Variants in GAB2 observed in about 807,000 individuals in gnomAD.
The protein encoded by GAB2 is GRB2-associated-binding protein 2.
In GAB2, 26 loss-of-function variants were observed where a neutral mutation model predicts 65.5. The observed-to-expected ratio is 0.40, with a 90% CI of 0.29 to 0.55. The LOEUF is 0.55. Among genes scored for constraint, GAB2 ranks in the 20% least tolerant of loss-of-function variants. The probability of loss-of-function intolerance (pLI) is 0.53; values close to 1 mark genes in which losing one functional copy is unlikely to be tolerated. For synonymous variants in GAB2, 321 were observed against 329.6 expected (o/e 0.97, Z 0.28); for missense variants, 884 against 875.8 (o/e 1.01, Z -0.12).
rs543232485 is a variant in GAB2 at position 78,389,983 on chromosome 11, C to T, written c.75+27663G>A. 3.9e-5 allele frequency among the ~76,000 whole-genome samples: 6 copies of T among 152,230 alleles called. No individual in the cohort carries two copies. In the East Asian group the frequency reaches 1.2e-3, roughly 29 times the overall value. On this transcript the variant is annotated intron_variant, in intron 1 of 9. Transcript: ENST00000361507. ...TTGTTCTTTTCAGCATAATATAGAT[C>T]CTTTTGTATCTACCACCACATAAAT...
chr11:78,316,241 C>T (rs960923797), intron 1 of GAB2, among the ~76,000 whole-genome samples: 1 of 152,176 alleles, frequency 6.6e-6, no homozygotes. Flanking sequence ...CGGCTTCTCT[C>T]TTCCCCAGCT....
intron 1 of GAB2, among the ~76,000 whole-genome samples, chr11:78,299,147 A>C (rs921363318): frequency 1.3e-5 from 2 of 152,192 alleles, no homozygotes; most frequent in African/African-American, 4.8e-5. Flanking sequence ...GTTAATGATG[A>C]TTGACAGGAT....
intron 1 of GAB2, among the ~76,000 whole-genome samples, chr11:78,330,926 C>G (rs1855903617): frequency 6.6e-6 from 1 of 152,040 alleles, no homozygotes; most frequent in African/African-American, 2.4e-5. Flanking sequence ...GTAACCCCAG[C>G]ACTTTGGGAG....
chr11:78,345,790 G>T (rs549275734), intron 1 of GAB2, among the ~76,000 whole-genome samples: 1 of 152,306 alleles, frequency 6.6e-6, no homozygotes, highest in African/African-American at 2.4e-5. Context: ...AGAGGAAAAT[G>T]ATGCCAGCTG....
intron 1 of GAB2, among the ~76,000 whole-genome samples, chr11:78,311,685 A>T (rs1246949639): frequency 2.6e-5 from 4 of 152,208 alleles, no homozygotes. Context: ...ATTGCTTTTA[A>T]ATTGCCTCCA....
chr11:78,252,515 G>T (rs948449793), intron 2 of GAB2, among the ~76,000 whole-genome samples: 1 of 152,084 alleles, frequency 6.6e-6, no homozygotes, highest in East Asian at 1.9e-4. Context: ...CAAGCCTCTG[G>T]TGAGATTCTG....
At chr11:78,307,025 A>G (rs1855376479) in intron 1 of GAB2, among the ~76,000 whole-genome samples, 1 of 152,280 alleles carries the variant, frequency 6.6e-6, no homozygotes, top group African/African-American at 2.4e-5. Flanking sequence ...AACTGATCAC[A>G]GCAAGTAATT....
intron 3 of GAB2, 83 bp from the exon 4 acceptor site, chr11:78,227,134 A>T: frequency 1.1e-6 from 1 of 948,148 alleles, no homozygotes; most frequent in South Asian, 1.4e-5. Context: ...TTCTCTTTCT[A>T]TACTTTGGTT....
chr11:78,354,037 T>G (rs1042418983), intron 1 of GAB2, among the ~76,000 whole-genome samples: 4 of 152,232 alleles, frequency 2.6e-5, no homozygotes, highest in Non-Finnish European at 4.4e-5. Context: ...TACGTGATGT[T>G]GGTGCTGTTG....
At chr11:78,268,898 G>T (rs1242539350) in intron 2 of GAB2, among the ~76,000 whole-genome samples, 2 of 152,134 alleles carry the variant, frequency 1.3e-5, no homozygotes, top group Non-Finnish European at 2.9e-5. Flanking sequence ...ACATTTGCGA[G>T]GATTTTATGG....
chr11:78,417,002 T>G (rs1423218459), intron 1 of GAB2, among the ~76,000 whole-genome samples: 1 of 148,116 alleles, frequency 6.8e-6, no homozygotes, highest in Admixed American at 6.8e-5. Context: ...GGGACCAAAC[T>G]GCAGTGTCAC....
chr11:78,278,029 C>G (rs2134580089), intron 2 of GAB2, among the ~76,000 whole-genome samples: 1 of 151,048 alleles, frequency 6.6e-6, no homozygotes, highest in South Asian at 2.1e-4. Context: ...TTTATGAAAG[C>G]TTTGAGACTG....
chr11:78,254,395 A>G (rs981578119), intron 2 of GAB2, among the ~76,000 whole-genome samples: 1 of 152,224 alleles, frequency 6.6e-6, no homozygotes, highest in African/African-American at 2.4e-5. Context: ...AAGGTCTGTT[A>G]AGAAGATGAA....
intron 3 of GAB2, among the ~76,000 whole-genome samples, chr11:78,238,558 T>C (rs902460664): frequency 3.2e-5 from 4 of 124,246 alleles, no homozygotes; most frequent in African/African-American, 1.3e-4. Context: ...AAGCAACACA[T>C]AGAACTGGAA....
intron 1 of GAB2, among the ~76,000 whole-genome samples, chr11:78,308,990 A>G (rs1371806609): frequency 6.6e-6 from 1 of 152,220 alleles, no homozygotes; most frequent in Non-Finnish European, 1.5e-5. Context: ...CAGGAAGAGA[A>G]ATTAACAGCT....
intron 1 of GAB2, among the ~76,000 whole-genome samples, chr11:78,391,982 T>C (rs1031353283): frequency 2.6e-5 from 4 of 152,202 alleles, no homozygotes; most frequent in African/African-American, 9.6e-5. Context: ...AGCTCATGCC[T>C]GTAATTCCAG....
chr11:78,262,575 C>T (rs960734093), intron 2 of GAB2, among the ~76,000 whole-genome samples: 1 of 152,110 alleles, frequency 6.6e-6, no homozygotes, highest in African/African-American at 2.4e-5. Context: ...AGCTACAGAG[C>T]CTCGCAGGAC....
At chr11:78,308,730 C>T (rs932877188) in intron 1 of GAB2, among the ~76,000 whole-genome samples, 14 of 152,064 alleles carry the variant, frequency 9.2e-5, no homozygotes, top group South Asian at 4.1e-4. Flanking sequence ...GGCATGACTA[C>T]CACAGAAGTC....
chr11:78,240,372 C>G (rs1443510381), intron 3 of GAB2, among the ~76,000 whole-genome samples: 1 of 151,870 alleles, frequency 6.6e-6, no homozygotes, highest in Non-Finnish European at 1.5e-5. Flanking sequence ...CAAGGCTGAG[C>G]TGATACAGGA....
Sources: gnomAD v4.1 joint callset for allele counts (sites outside exome capture counted in the v4.1 genomes callset) on GRCh38, gnomAD v4.1.1 for gene constraint, MANE v1.5 for transcripts, NCBI Gene and HGNC (gene_info 2026-07-23, HGNC 2026-07-21) for gene names.